The following METTL15 variants were observed in gnomAD, a reference collection of about 807,000 sequenced individuals.
METTL15 encodes the protein methyltransferase 15, mitochondrial 12S rRNA N4-cytidine.
METTL15 carries 34 observed loss-of-function variants against 38.3 expected under a neutral mutation model. The ratio of observed to expected loss-of-function variants is 0.89; its 90% CI spans 0.68 to 1.18. The LOEUF (loss-of-function observed/expected upper bound fraction) is 1.18, where lower values mean the gene tolerates loss of function less well. Ranked by LOEUF, METTL15 falls within the 50% of genes most tolerant of loss-of-function variation. The pLI is 0.00. For synonymous variants in METTL15, 162 were observed against 170.9 expected (o/e 0.95, Z 0.41); for missense variants, 438 against 498.4 (o/e 0.88, Z 1.15).
rs552613903 is a variant in METTL15 at position 28,466,165 on chromosome 11, G to T, written c.*424+41801G>T. Among the ~76,000 whole-genome samples, 4 of 152,290 alleles carry T rather than the reference G, an allele frequency of 2.6e-5. No individual in the cohort carries two copies. In the East Asian group the frequency reaches 7.7e-4, roughly 30 times the overall value. On this transcript the variant is annotated intron_variant and NMD_transcript_variant, in intron 6 of 7. Transcript: ENST00000532947. ...GTTGGCCAAACGCCATTTTGGGTCA[G>T]ACATCTACACCTGAATCAATCTGCT...
chr11:28,257,009 A>G (rs1370604134), intron 4 of METTL15, among the ~76,000 whole-genome samples: 2 of 152,144 alleles, frequency 1.3e-5, no homozygotes, highest in Non-Finnish European at 2.9e-5. Context: ...ATAGTTTCCA[A>G]AATTCCACTA....
chr11:28,182,206 G>T (rs1159848609), intron 3 of METTL15, among the ~76,000 whole-genome samples: 1 of 152,002 alleles, frequency 6.6e-6, no homozygotes, highest in Non-Finnish European at 1.5e-5. Context: ...CATTCTGTAG[G>T]CTGCCTGTTC....
intron 6 of METTL15, among the ~76,000 whole-genome samples, chr11:28,432,855 C>T (rs1564930242): frequency 6.6e-6 from 1 of 152,000 alleles, no homozygotes; most frequent in East Asian, 1.9e-4. Context: ...TTGACCATAA[C>T]CTAGTGAAGC....
At chr11:28,319,320 A>C (rs1464524985) in intron 6 of METTL15, among the ~76,000 whole-genome samples, 2 of 152,184 alleles carry the variant, frequency 1.3e-5, no homozygotes, top group Non-Finnish European at 2.9e-5. Flanking sequence ...TCTGATCAGG[A>C]AAAAGATGAG....
At chr11:28,309,721 A>G (rs1565243215) in intron 6 of METTL15, among the ~76,000 whole-genome samples, 2 of 152,064 alleles carry the variant, frequency 1.3e-5, no homozygotes, top group African/African-American at 2.4e-5. Flanking sequence ...TAGACCATTC[A>G]ATCTCCTGCG....
In METTL15 at chr11:28,505,801, C is replaced by T. The variant is rs116016716; in HGVS notation, c.*425-20677C>T. On this transcript the variant is annotated intron_variant and NMD_transcript_variant, in intron 6 of 7. Transcript: ENST00000532947. ...GCTGGTATGATCTGTAAATTATTGT[C>T]GGTTCCTGGCCTATAAAAAGTTGAG... 3.1e-3 allele frequency among the ~76,000 whole-genome samples: 475 copies of T among 152,190 alleles called. 1 individual carries two copies. Among genetic ancestry groups the T allele is most frequent in the African/African-American group, 0.011 (463 of 41,530 alleles).
chr11:28,430,188 C>T (rs1185232818), intron 6 of METTL15, among the ~76,000 whole-genome samples: 1 of 151,634 alleles, frequency 6.6e-6, no homozygotes, highest in African/African-American at 2.4e-5. Context: ...AAGTGAGGAG[C>T]GTCTCCACCC....
chr11:28,177,347 G>T (rs1851115309), intron 3 of METTL15, among the ~76,000 whole-genome samples: 1 of 151,926 alleles, frequency 6.6e-6, no homozygotes, highest in Non-Finnish European at 1.5e-5. Context: ...TACTTGGCCT[G>T]AAATCAAGAA....
intron 5 of METTL15, among the ~76,000 whole-genome samples, chr11:28,380,394 T>A (rs1413213975): frequency 6.6e-6 from 1 of 152,166 alleles, no homozygotes; most frequent in Non-Finnish European, 1.5e-5. Context: ...GGTCTCGATC[T>A]CCTGACCTCG....
intron 3 of METTL15, among the ~76,000 whole-genome samples, chr11:28,141,914 T>C (rs976495390): frequency 1.6e-4 from 24 of 152,200 alleles, no homozygotes; most frequent in African/African-American, 4.8e-4. Flanking sequence ...GGGACTATTA[T>C]CATCCTTGCT....
chr11:28,112,251 T>C (rs1355644556), intron 2 of METTL15, among the ~76,000 whole-genome samples: 1 of 152,176 alleles, frequency 6.6e-6, no homozygotes, highest in African/African-American at 2.4e-5. Context: ...AAGTGAGGAT[T>C]GATAACAATG....
At chr11:28,415,222 C>T (rs1426641652) in intron 5 of METTL15, among the ~76,000 whole-genome samples, 1 of 152,014 alleles carries the variant, frequency 6.6e-6, no homozygotes, top group Non-Finnish European at 1.5e-5. Flanking sequence ...ACTTGCAGTG[C>T]CAAAATGGAA....
chr11:28,132,650 T>G (rs1849377141), intron 3 of METTL15, among the ~76,000 whole-genome samples: 1 of 152,180 alleles, frequency 6.6e-6, no homozygotes, highest in African/African-American at 2.4e-5. Context: ...ACAGTGAATT[T>G]TTAAATTATC....
At chr11:28,110,999 A>G (rs983020584) in intron 2 of METTL15, among the ~76,000 whole-genome samples, 5 of 152,194 alleles carry the variant, frequency 3.3e-5, no homozygotes, top group African/African-American at 1.2e-4. Context: ...GAGAGCTCCA[A>G]GTTGTCTGGT....
chr11:28,126,223 T>A (rs1852480067), intron 3 of METTL15, among the ~76,000 whole-genome samples: 1 of 152,156 alleles, frequency 6.6e-6, no homozygotes, highest in Non-Finnish European at 1.5e-5. Context: ...GGCCACCCTG[T>A]CTGAAATTTC....
At chr11:28,442,655 T>C (rs577583301) in intron 6 of METTL15, among the ~76,000 whole-genome samples, 60 of 152,336 alleles carry the variant, frequency 3.9e-4, no homozygotes, top group Non-Finnish European at 7.3e-4. Flanking sequence ...ACCTGTGAAG[T>C]AGATGTTTCC....
At chr11:28,401,375 T>C (rs1590362132) in intron 5 of METTL15, among the ~76,000 whole-genome samples, 1 of 152,008 alleles carries the variant, frequency 6.6e-6, no homozygotes, top group Non-Finnish European at 1.5e-5. Context: ...TAATTATTAC[T>C]CAGAATTTGT....
intron 4 of METTL15, among the ~76,000 whole-genome samples, chr11:28,248,905 CAAAT>C (rs1279008529): frequency 2.6e-5 from 4 of 152,014 alleles, no homozygotes; most frequent in Non-Finnish European, 4.4e-5. Flanking sequence ...ATCTTGAACA[CAAAT>C]AATATTTTGA....
intron 4 of METTL15, among the ~76,000 whole-genome samples, chr11:28,244,971 G>A (rs1407414051): frequency 2.0e-5 from 3 of 152,168 alleles, no homozygotes; most frequent in African/African-American, 7.2e-5. Context: ...AGCCTGCAAG[G>A]TTTAATCCCC....
Sources: gnomAD v4.1 joint callset for allele counts (sites outside exome capture counted in the v4.1 genomes callset) on GRCh38, gnomAD v4.1.1 for gene constraint, MANE v1.5 for transcripts, NCBI Gene and HGNC (gene_info 2026-07-23, HGNC 2026-07-21) for gene names.